The following ICA1 variants were observed in gnomAD, a reference collection of about 807,000 sequenced individuals.
ICA1 encodes 69 kDa islet cell autoantigen.
ICA1 carries 40 observed loss-of-function variants against 71.0 expected under a neutral mutation model. The observed-to-expected ratio is 0.56, with a 90% confidence interval of 0.44 to 0.73. The LOEUF is 0.73. Ranked by LOEUF, ICA1 falls within the 30% of genes least tolerant of loss-of-function variation. ICA1 has a pLI of 0.00. For synonymous variants in ICA1, 207 were observed against 209.5 expected (o/e 0.99, Z 0.10); for missense variants, 578 against 576.5 (o/e 1.00, Z -0.03).
chr7:8,218,468 T>C lies in ICA1; in HGVS notation c.416A>G (p.Gln139Arg), dbSNP rs1334466083. 1 of 1,614,000 alleles carries C rather than the reference T, an allele frequency of 6.2e-7. No homozygotes were observed. The highest frequency in any genetic ancestry group is 8.5e-7 in the Non-Finnish European group (1 of 1,179,996). The change falls in exon 6 of 14, where the codon CAA becomes CGA. Residue 139 changes from glutamine (Q) to arginine (R), a missense_variant. Coordinates refer to ENST00000402384, the MANE Select transcript of ICA1 (RefSeq NM_001136020.3). ...ALRNPLCRFH[Q>R]EVETFRHRAI... ...CCGATGCCGAAAAGTCTCCACTTCT[T>C]GGTGAAATCGACACAAAGGATTTCG...
intron 1 of ICA1, among the ~76,000 whole-genome samples, chr7:8,249,954 C>A (rs1241859624): frequency 6.6e-6 from 1 of 152,170 alleles, no homozygotes; most frequent in Non-Finnish European, 1.5e-5. Context: ...TGAGGAAGAA[C>A]TGAATAAAGC....
At chr7:8,251,386 C>T (rs1474416860) in intron 1 of ICA1, among the ~76,000 whole-genome samples, 1 of 150,614 alleles carries the variant, frequency 6.6e-6, no homozygotes, top group Non-Finnish European at 1.5e-5. Context: ...CTATGTCACA[C>T]ACTTAGTCAT....
intron 4 of ICA1, 40 bp from the exon 5 acceptor site, chr7:8,221,438 C>A: frequency 6.2e-7 from 1 of 1,605,796 alleles, no homozygotes; most frequent in Non-Finnish European, 8.5e-7. Context: ...GAACAATGAG[C>A]ATTTTGATTG....
At chr7:8,237,983 T>TATAG (rs377509096) in intron 1 of ICA1, among the ~76,000 whole-genome samples, 11 of 152,304 alleles carry the variant, frequency 7.2e-5, no homozygotes, top group African/African-American at 2.6e-4. Flanking sequence ...AAGCTGCAAC[T>TATAG]ATAGGCAAAG....
At chr7:8,208,020 G>T (rs1373627569) in intron 6 of ICA1, among the ~76,000 whole-genome samples, 1 of 152,006 alleles carries the variant, frequency 6.6e-6, no homozygotes, top group African/African-American at 2.4e-5. Context: ...GCTTTGTTGA[G>T]GGTTAACAAA....
At chr7:8,191,355 T>G (rs772598136) in intron 6 of ICA1, among the ~76,000 whole-genome samples, 1 of 152,226 alleles carries the variant, frequency 6.6e-6, no homozygotes, top group South Asian at 2.1e-4. Flanking sequence ...GTTTTTGACT[T>G]TGCCAAGATG....
At chr7:8,232,831 TA>T (rs1800672095) in intron 2 of ICA1, 76 bp from the exon 3 acceptor site, 1 of 1,263,528 alleles carries the variant, frequency 7.9e-7, no homozygotes, top group Admixed American at 2.6e-5. Context: ...ATGATTTCTT[TA>T]AACATGACTT....
chr7:8,144,013 G>A lies in ICA1; in HGVS notation c.805-41C>T, dbSNP rs568130072. The stretch of plus-strand genomic sequence containing the variant: ...TAGAAAAATGAAAAAGAAAAAAAAA[G>A]AAGAAGAAATAGAGACAAAAAAAAG... On this transcript the variant is annotated intron_variant, in intron 8 of 13. Coordinates refer to ENST00000402384, the MANE Select transcript of ICA1 (RefSeq NM_001136020.3). This position sits in a 1 kb window ranked among gnomAD's most constrained non-coding sequence, Gnocchi z 4.5. 2 of 1,127,116 alleles carry A rather than the reference G, an allele frequency of 1.8e-6. No homozygotes were observed. The highest frequency in any genetic ancestry group is 2.6e-6 in the Non-Finnish European group (2 of 767,510). The allele number at this position is 1,127,116 out of a possible 1,614,324, so 69.8% of individuals were successfully genotyped here.
chr7:8,214,407 C>T (rs1794751106), intron 6 of ICA1, among the ~76,000 whole-genome samples: 2 of 152,212 alleles, frequency 1.3e-5, no homozygotes, highest in Admixed American at 1.3e-4. Context: ...CATAAAATAC[C>T]TCGTGGTCTT....
chr7:8,211,201 C>T (rs1793677423), intron 6 of ICA1, among the ~76,000 whole-genome samples: 1 of 152,140 alleles, frequency 6.6e-6, no homozygotes, highest in South Asian at 2.1e-4. Context: ...ATGTGTTTTG[C>T]TGGATGTTAA....
intron 1 of ICA1, among the ~76,000 whole-genome samples, chr7:8,244,444 C>T (rs570550885): frequency 1.3e-5 from 2 of 152,260 alleles, no homozygotes; most frequent in East Asian, 3.9e-4. Flanking sequence ...AGACCTACAA[C>T]CATAAAAACC....
chr7:8,116,400 G>C (rs1389336351), intron 13 of ICA1: 1 of 152,112 alleles, frequency 6.6e-6, no homozygotes, highest in Non-Finnish European at 1.5e-5. Flanking sequence ...CCACATCCGT[G>C]GTTGCCTCCG....
intron 13 of ICA1, among the ~76,000 whole-genome samples, chr7:8,121,940 GT>G (rs1406861962): frequency 6.6e-6 from 1 of 152,202 alleles, no homozygotes; most frequent in African/African-American, 2.4e-5. Context: ...TTTACAATAA[GT>G]TAAGGGGAGA....
intron 6 of ICA1, among the ~76,000 whole-genome samples, chr7:8,175,500 T>G (rs929683709): frequency 6.6e-6 from 1 of 151,138 alleles, no homozygotes; most frequent in South Asian, 2.1e-4. Context: ...TTCGCATGCA[T>G]GAAAACTGTT....
intron 6 of ICA1, among the ~76,000 whole-genome samples, chr7:8,195,515 C>T (rs1313849788): frequency 1.3e-5 from 2 of 151,870 alleles, no homozygotes; most frequent in Non-Finnish European, 2.9e-5. Context: ...GCATTCCAGT[C>T]TGGGCAACAA....
In ICA1 at chr7:8,237,835, C is replaced by CACACAA. The variant is rs879416380; in HGVS notation, c.-79-1831_-79-1830insTTGTGT. On this transcript the variant is annotated intron_variant, in intron 1 of 13. Transcript: ENST00000402384. ...TTGAAGACAGACACACACACACACA[C>CACACAA]ACACACACACACACACACCATTTTC... 9.8e-3 allele frequency among the ~76,000 whole-genome samples: 1,485 copies of CACACAA among 151,848 alleles called. 19 individuals are homozygous for CACACAA. Among genetic ancestry groups the CACACAA allele is most frequent in the African/African-American group, 0.033 (1,345 of 41,368 alleles).
At chr7:8,256,500 C>A (rs1054598869) in intron 1 of ICA1, among the ~76,000 whole-genome samples, 1 of 152,180 alleles carries the variant, frequency 6.6e-6, no homozygotes. Flanking sequence ...TGCCCTCCCC[C>A]TCCTTTGTCT....
At chr7:8,240,386 ACATTCACACCAAAACCC>A (rs1363535803) in intron 1 of ICA1, among the ~76,000 whole-genome samples, 3 of 152,194 alleles carry the variant, frequency 2.0e-5, no homozygotes, top group Non-Finnish European at 4.4e-5. Flanking sequence ...AACAAAAAGG[ACATTCACACCAAAACCC>A]CATCTGTAGG....
chr7:8,260,618 A>C (rs1301201570), intron 1 of ICA1, among the ~76,000 whole-genome samples: 2 of 152,364 alleles, frequency 1.3e-5, no homozygotes, highest in East Asian at 3.9e-4. Flanking sequence ...TCCTGCAATT[A>C]AGATGTATGT....
Sources: allele counts gnomAD v4.1 joint callset (sites outside exome capture counted in the v4.1 genomes callset), GRCh38; gene constraint gnomAD v4.1.1; non-coding constraint Gnocchi (gnomAD v3.1); transcripts MANE v1.5; gene names NCBI Gene and HGNC (gene_info 2026-07-23, HGNC 2026-07-21).